The following LRBA variants were observed in gnomAD, a reference collection of about 807,000 sequenced individuals.
LRBA encodes lipopolysaccharide-responsive and beige-like anchor protein.
LRBA carries 176 observed loss-of-function variants against 330.0 expected under a neutral mutation model. The observed-to-expected ratio is 0.53, with a 90% CI of 0.47 to 0.60. The LOEUF (loss-of-function observed/expected upper bound fraction) is 0.60. Ranked by LOEUF, LRBA falls within the 20% of genes least tolerant of loss-of-function variation. The pLI is 0.00. For missense variants in LRBA, 3,259 were observed against 3,444.8 expected, an observed-to-expected ratio of 0.95 and a Z score of 1.35; for synonymous variants, 1,230 against 1,193.0, an observed-to-expected ratio of 1.03 and a Z score of -0.64.
intron 36 of LRBA, among the ~76,000 whole-genome samples, chr4:150,715,047 T>C (rs895659142): frequency 2.2e-4 from 33 of 152,188 alleles, no homozygotes; most frequent in African/African-American, 6.5e-4. Flanking sequence ...TTCAGAACAA[T>C]AAGTTACTCA....
At chr4:150,688,954 A>G (rs1479732922) in intron 36 of LRBA, among the ~76,000 whole-genome samples, 5 of 152,240 alleles carry the variant, frequency 3.3e-5, no homozygotes, top group African/African-American at 1.2e-4. Context: ...CAATCCCATT[A>G]CTGGGTATAC....
At chr4:150,842,582 C>T (rs1749253777) in intron 28 of LRBA, among the ~76,000 whole-genome samples, 1 of 152,166 alleles carries the variant, frequency 6.6e-6, no homozygotes, top group Non-Finnish European at 1.5e-5. Context: ...AAACTGACCA[C>T]ATTCAAAGGA....
intron 37 of LRBA, among the ~76,000 whole-genome samples, chr4:150,639,819 GTATA>G (rs56731034): frequency 3.3e-3 from 15 of 4,528 alleles, no homozygotes; most frequent in African/African-American, 8.2e-3. Flanking sequence ...GTGTGTGTGT[GTATA>G]TATATATATA....
intron 2 of LRBA, among the ~76,000 whole-genome samples, chr4:150,949,418 G>A (rs1244532815): frequency 6.6e-6 from 1 of 152,010 alleles, no homozygotes; most frequent in Non-Finnish European, 1.5e-5. Context: ...GGGTTAAGAT[G>A]GGGTAGAGGA....
intron 53 of LRBA, among the ~76,000 whole-genome samples, chr4:150,289,690 T>C (rs537553597): frequency 1.3e-5 from 2 of 152,318 alleles, no homozygotes; most frequent in South Asian, 2.1e-4. Flanking sequence ...AAAGATTGTA[T>C]TCCCTTTATT....
rs780610551 is a variant in LRBA at position 150,590,816 on chromosome 4, C to G, written c.6090G>C (p.Arg2030Ser). ...AGTTCTGATTTCCTAAAGCCTGACTCCTGATGGACTGTTTTCCTTTAGCAA... is the reference window on the plus strand; with the variant it reads ...AGTTCTGATTTCCTAAAGCCTGACTGCTGATGGACTGTTTTCCTTTAGCAA... ...DILAKGKQSI[R>S]SQALGNQNSE... Residue 2030 changes from arginine to serine, a missense_variant, in exon 39 of 57, where the codon AGG (arginine) becomes AGC (serine). Coordinates refer to ENST00000651943, the MANE Select transcript of LRBA (RefSeq NM_001364905.1). The G allele has an allele frequency of 2.0e-5, 32 of 1,613,580 alleles. No homozygotes were observed. Among genetic ancestry groups the G allele is most frequent in the Non-Finnish European group, 2.7e-5 (32 of 1,179,674 alleles).
At chr4:151,003,077 A>AGTGTGTGT (rs1561118011) in intron 2 of LRBA, among the ~76,000 whole-genome samples, 63 of 146,976 alleles carry the variant, frequency 4.3e-4, no homozygotes, top group African/African-American at 1.5e-3. Flanking sequence ...TGTGTGTACC[A>AGTGTGTGT]ACATCATTTT....
intron 48 of LRBA, among the ~76,000 whole-genome samples, chr4:150,326,134 A>G (rs932862953): frequency 6.6e-6 from 1 of 152,174 alleles, no homozygotes; most frequent in African/African-American, 2.4e-5. Context: ...TTGCTCAGTG[A>G]TATGAAACAG....
At chr4:150,395,806 C>T (rs1180055820) in intron 47 of LRBA, among the ~76,000 whole-genome samples, 1 of 152,110 alleles carries the variant, frequency 6.6e-6, no homozygotes, top group Non-Finnish European at 1.5e-5. Context: ...TCATATGGCA[C>T]TTGTCAAATA....
intron 54 of LRBA, among the ~76,000 whole-genome samples, chr4:150,284,510 T>A (rs889180817): frequency 6.6e-6 from 1 of 152,238 alleles, no homozygotes; most frequent in African/African-American, 2.4e-5. Context: ...GTTATATGTA[T>A]AACTGAGTAT....
intron 47 of LRBA, among the ~76,000 whole-genome samples, chr4:150,373,608 G>T (rs990830175): frequency 1.3e-5 from 2 of 152,088 alleles, no homozygotes; most frequent in African/African-American, 2.4e-5. Context: ...GCTATCTTCA[G>T]CTGACCCTCA....
At chr4:150,422,613 G>C in intron 46 of LRBA, 1 of 582,152 alleles carries the variant, frequency 1.7e-6, no homozygotes, top group Non-Finnish European at 3.1e-6. Flanking sequence ...TTCCCCAAGG[G>C]ACAAGGTTCC....
intron 47 of LRBA, among the ~76,000 whole-genome samples, chr4:150,391,666 T>C (rs1743958675): frequency 6.6e-6 from 1 of 152,196 alleles, no homozygotes; most frequent in Non-Finnish European, 1.5e-5. Flanking sequence ...CACTGAATTT[T>C]CTGTACAGTG....
At chr4:150,456,851 G>A (rs577563695) in intron 44 of LRBA, among the ~76,000 whole-genome samples, 1 of 152,046 alleles carries the variant, frequency 6.6e-6, no homozygotes, top group East Asian at 1.9e-4. Flanking sequence ...TTTGTATATG[G>A]TTAGAGATAA....
intron 17 of LRBA, among the ~76,000 whole-genome samples, chr4:150,880,665 A>G (rs1239788562): frequency 6.6e-6 from 1 of 152,206 alleles, no homozygotes; most frequent in Non-Finnish European, 1.5e-5. Flanking sequence ...AAGTCCTCAA[A>G]AGCAATTGCA....
intron 4 of LRBA, among the ~76,000 whole-genome samples, chr4:150,923,572 T>C (rs567280254): frequency 5.0e-4 from 76 of 152,306 alleles, no homozygotes; most frequent in Non-Finnish European, 9.1e-4. Flanking sequence ...GCATAGCATA[T>C]ACATATAAAA....
chr4:150,562,222 T>A (rs1768448619), intron 40 of LRBA, among the ~76,000 whole-genome samples: 1 of 152,218 alleles, frequency 6.6e-6, no homozygotes, highest in African/African-American at 2.4e-5. Flanking sequence ...CAACATATAA[T>A]ATTCTGTGCA....
At position 150,803,075 on chromosome 4, in the gene LRBA, A is replaced by ATAT. The variant is rs1553964880; in HGVS notation, c.5518+3195_5518+3196insATA. Among the ~76,000 whole-genome samples the ATAT allele has an allele frequency of 8.7e-3, 1,127 of 129,874 alleles. 11 individuals carry two copies. Among genetic ancestry groups the ATAT allele is most frequent in the African/African-American group, 0.02 (688 of 34,168 alleles). The allele number at this position is 129,874 out of a possible 152,430, so 85.2% of individuals were successfully genotyped here. A position where few individuals can be genotyped will look rare whatever the true frequency, so the allele number is the denominator to read the frequency against. The stretch of plus-strand genomic sequence containing the variant: ...CAAAAACAAAAACAAACAAAAAAAA[A>ATAT]ATATATATACACACACACACACACA... On this transcript the variant is annotated intron_variant, in intron 33 of 56. Transcript: ENST00000651943.
chr4:150,948,480 G>T (rs369419408), intron 2 of LRBA, among the ~76,000 whole-genome samples: 16 of 151,852 alleles, frequency 1.1e-4, no homozygotes, highest in African/African-American at 3.6e-4. Flanking sequence ...TATTGATCAC[G>T]GATTTAAATG....
Sources: allele counts gnomAD v4.1 joint callset (sites outside exome capture counted in the v4.1 genomes callset), GRCh38; gene constraint gnomAD v4.1.1; transcripts MANE v1.5; gene names NCBI Gene and HGNC (gene_info 2026-07-23, HGNC 2026-07-21).